Variants in ATM observed in about 807,000 individuals in gnomAD.
The protein encoded by ATM is serine-protein kinase ATM.
A neutral mutation model predicts 387.0 loss-of-function variants in ATM; 308 were observed. The observed-to-expected ratio is 0.80, with a 90% CI of 0.73 to 0.87. The LOEUF (loss-of-function observed/expected upper bound fraction) is 0.87. Among genes scored for constraint, ATM ranks in the 40% least tolerant of loss-of-function variants. ATM has a pLI of 0.00. For synonymous variants in ATM, 1,156 were observed against 1,187.3 expected (o/e 0.97, Z 0.54); for missense variants, 3,312 against 3,560.9 (o/e 0.93, Z 1.78).
At chr11:108,331,854 A>T (rs1170677929) in intron 51 of ATM, 25 bp from the exon 52 acceptor site, 1 of 1,610,428 alleles carries the variant, frequency 6.2e-7, no homozygotes. Context: ...TTATTTGCAT[A>T]AATCTAATAG....
chr11:108,291,501 A>G (rs1020209931), intron 29 of ATM, among the ~76,000 whole-genome samples: 4 of 152,214 alleles, frequency 2.6e-5, no homozygotes, highest in African/African-American at 9.6e-5. Flanking sequence ...TCATTCCACA[A>G]TAACTCCACA....
intron 5 of ATM, chr11:108,236,059 A>C (rs1181127449): frequency 3.7e-6 from 2 of 536,028 alleles, no homozygotes; most frequent in Non-Finnish European, 6.7e-6. Context: ...CAGAGCCGGA[A>C]TTACAGTTGA....
chr11:108,325,578 C>A (rs770271751), intron 46 of ATM, 34 bp downstream of exon 46: 1 of 1,505,586 alleles, frequency 6.6e-7, no homozygotes, highest in Non-Finnish European at 9.2e-7. Flanking sequence ...CATCTTACCT[C>A]TTGACTTTCC....
intron 56 of ATM, among the ~76,000 whole-genome samples, chr11:108,342,769 C>A (rs1591244631): frequency 6.6e-6 from 1 of 152,178 alleles, no homozygotes; most frequent in East Asian, 1.9e-4. Context: ...GATAATAAGA[C>A]TAAAGCAAGA....
chr11:108,259,181 T>G, intron 16 of ATM, 106 bp downstream of exon 16: 1 of 976,866 alleles, frequency 1.0e-6, no homozygotes, highest in South Asian at 1.4e-5. Flanking sequence ...ATATAGCTCT[T>G]AACATTTTTA....
chr11:108,345,915 T>C lies in ATM; in HGVS notation c.8584+7T>C, dbSNP rs1374271708. On this transcript the variant is annotated splice_region_variant and intron_variant, in intron 58 of 62. Transcript: ENST00000675843. ...GTAGCTACTTCTTCTATTGGTAATC[T>C]TCTTGTACATATAGTAGATTGAGCA... The C allele has an allele frequency of 6.2e-7, 1 of 1,613,536 alleles. No homozygotes were observed. The highest frequency in any genetic ancestry group is 1.1e-5 in the South Asian group (1 of 91,072).
chr11:108,316,228 ATC>A, intron 42 of ATM, 115 bp downstream of exon 42: 3 of 1,041,662 alleles, frequency 2.9e-6, no homozygotes, highest in Non-Finnish European at 4.4e-6. Flanking sequence ...ACTAGAACTT[ATC>A]TGTTTTTCAG....
At chr11:108,363,065 A>G (rs2090978575) in intron 61 of ATM, among the ~76,000 whole-genome samples, 1 of 152,184 alleles carries the variant, frequency 6.6e-6, no homozygotes, top group African/African-American at 2.4e-5. Context: ...AATCTGTCCG[A>G]ATTTCCCCAA....
At chr11:108,363,885 G>C (rs1386134637) in intron 61 of ATM, among the ~76,000 whole-genome samples, 3 of 152,006 alleles carry the variant, frequency 2.0e-5, no homozygotes, top group African/African-American at 7.2e-5. Context: ...CTGTATTAGA[G>C]GCCTTCATTC....
intron 59 of ATM, among the ~76,000 whole-genome samples, chr11:108,350,344 A>C (rs1240588716): frequency 2.0e-5 from 3 of 152,238 alleles, no homozygotes; most frequent in Non-Finnish European, 2.9e-5. Flanking sequence ...AGTTAGGGAA[A>C]GAAGAGGGCT....
chr11:108,281,354 G>A (rs539302713), intron 24 of ATM, among the ~76,000 whole-genome samples, 186 bp downstream of exon 24: 1 of 152,220 alleles, frequency 6.6e-6, no homozygotes, highest in African/African-American at 2.4e-5. Flanking sequence ...GGTATGCACT[G>A]TTTCTTACAT....
At chr11:108,237,970 A>G (rs981562214) in intron 5 of ATM, among the ~76,000 whole-genome samples, 2 of 127,000 alleles carry the variant, frequency 1.6e-5, no homozygotes, top group African/African-American at 6.2e-5. Context: ...TCTGTTGCCC[A>G]GGCTGGAGTG....
rs777929926 is a variant in ATM, at chr11:108,335,278, A to AT, written c.8151+177dup. ...ATTTTCTAGAACCAGGCTTTTCTCC[A>AT]TTTTTTTTGTGTCTCTGAAAGACAA... On this transcript the variant is annotated intron_variant, in intron 55 of 62. Coordinates refer to ENST00000675843, the MANE Select transcript of ATM (RefSeq NM_000051.4). 7.0e-5 allele frequency: 107 copies of AT among 1,519,106 alleles called. No individual in the cohort carries two copies. The African/African-American group carries it at 7.2e-4, about 10-fold the overall frequency. 94.1% of individuals were successfully genotyped at this position (1,519,106 alleles called of 1,614,324 possible).
In ATM at chr11:108,245,713, T is replaced by TTA. The variant is rs2079814002; in HGVS notation, c.901+690_901+691dup. Among the ~76,000 whole-genome samples the TTA allele has an allele frequency of 2.0e-5, 3 of 152,280 alleles. No homozygotes were observed. The South Asian group carries it at 6.2e-4, about 32-fold the overall frequency. On this transcript the variant is annotated intron_variant, in intron 7 of 62. Coordinates refer to ENST00000675843, the MANE Select transcript of ATM (RefSeq NM_000051.4). Reference sequence around the variant, plus strand: ...GCTCTGTCTATGATTGCCTTTGGGCTTATACTAGCCTTTGGACCAACTCAT... The same window carrying TTA: ...GCTCTGTCTATGATTGCCTTTGGGCTTATATACTAGCCTTTGGACCAACTCAT...
At chr11:108,297,176 T>C in intron 32 of ATM, 111 bp from the exon 33 acceptor site, 1 of 912,394 alleles carries the variant, frequency 1.1e-6, no homozygotes, top group Non-Finnish European at 1.7e-6. Flanking sequence ...TTAAAACCTT[T>C]TTTAAACTTT....
rs183479111 is a variant in ATM at position 108,268,261 on chromosome 11, C to G, written c.2639-149C>G. On this transcript the variant is annotated intron_variant, in intron 17 of 62. Coordinates refer to ENST00000675843, the MANE Select transcript of ATM (RefSeq NM_000051.4). Reference sequence around the variant, plus strand: ...AATCTTGGATAATTTTTCAAAAAGACTTTTGAAGCTTTCAGTATATAATTA... The same window carrying G: ...AATCTTGGATAATTTTTCAAAAAGAGTTTTGAAGCTTTCAGTATATAATTA... 8.2e-6 allele frequency: 5 copies of G among 613,344 alleles called. No individual in the cohort carries two copies. The African/African-American group carries it at 9.3e-5, about 11-fold the overall frequency. 38.0% of individuals were successfully genotyped at this position (613,344 alleles called of 1,614,324 possible). A position where few individuals can be genotyped will look rare whatever the true frequency, so the allele number is the denominator to read the frequency against.
intron 43 of ATM, among the ~76,000 whole-genome samples, chr11:108,318,464 T>G (rs1403290572): frequency 6.6e-6 from 1 of 152,072 alleles, no homozygotes; most frequent in Non-Finnish European, 1.5e-5. Context: ...CTGAGGCAGA[T>G]GGATCACTTG....
At chr11:108,362,192 G>GA (rs1195008816) in intron 61 of ATM, among the ~76,000 whole-genome samples, 53 of 145,204 alleles carry the variant, frequency 3.7e-4, no homozygotes, top group Non-Finnish European at 7.1e-4. Context: ...AAAAACACAT[G>GA]AAAAAATGCT....
rs1060501565 is a variant in ATM, at chr11:108,253,892, G to A, written c.1977G>A (p.Lys659=). ...EELFLQTTFD[K]MDFLTIVREC... is the part of the protein sequence containing the mutation. ...TATTTCTTCAGACAACTTTTGACAAGATGGACTTTTTAACCATTGTGAGAG... is the reference window on the plus strand; with the variant it reads ...TATTTCTTCAGACAACTTTTGACAAAATGGACTTTTTAACCATTGTGAGAG... The change falls in exon 13 of 63, where the codon AAG becomes AAA. Residue 659 remains lysine, a synonymous_variant. Coordinates refer to ENST00000675843, the MANE Select transcript of ATM (RefSeq NM_000051.4). The A allele has an allele frequency of 6.2e-7, 1 of 1,614,042 alleles. No homozygotes were observed. The highest frequency in any genetic ancestry group is 8.5e-7 in the Non-Finnish European group (1 of 1,179,980).
Sources: gnomAD v4.1 joint callset for allele counts (sites outside exome capture counted in the v4.1 genomes callset) on GRCh38, gnomAD v4.1.1 for gene constraint, MANE v1.5 for transcripts, NCBI Gene and HGNC (gene_info 2026-07-23, HGNC 2026-07-21) for gene names.